Variants in RNF38 observed in about 807,000 individuals in gnomAD.
RNF38 encodes the protein ring finger protein 38.
In RNF38, 15 loss-of-function variants were observed where a neutral mutation model predicts 67.2. That is an observed-to-expected ratio of 0.22 (90% confidence interval 0.15 to 0.34). RNF38 has a LOEUF of 0.34. RNF38 is among the 10% of genes least tolerant of loss of function. RNF38 has a pLI of 1.00. For missense variants in RNF38, 524 were observed against 639.9 expected (o/e 0.82, Z 1.95); for synonymous variants, 220 against 218.8 (o/e 1.01, Z -0.05).
chr9:36,395,515 T>C (rs762017915), intron 1 of RNF38, among the ~76,000 whole-genome samples: 2 of 152,108 alleles, frequency 1.3e-5, no homozygotes, highest in Non-Finnish European at 2.9e-5. Flanking sequence ...AACAAAACAT[T>C]AGATGAGGAG....
At chr9:36,478,753 G>T (rs1349619598) in intron 1 of RNF38, among the ~76,000 whole-genome samples, 1 of 150,324 alleles carries the variant, frequency 6.7e-6, no homozygotes, top group East Asian at 2.0e-4. Flanking sequence ...GAAGGCGGAG[G>T]TTGCGGTGAG....
At chr9:36,455,752 C>G (rs928617441) in intron 1 of RNF38, among the ~76,000 whole-genome samples, 1 of 150,078 alleles carries the variant, frequency 6.7e-6, no homozygotes, top group Non-Finnish European at 1.5e-5. Context: ...GGTGAAACCC[C>G]GTCTCTACTA....
chr9:36,393,648 T>C (rs1837304924), intron 1 of RNF38, among the ~76,000 whole-genome samples: 1 of 151,894 alleles, frequency 6.6e-6, no homozygotes, highest in South Asian at 2.1e-4. Context: ...ATTATTAGGT[T>C]AAATCATATG....
In RNF38 at chr9:36,356,289, G is replaced by A. The variant is rs1207067591; in HGVS notation, c.909+14C>T. On this transcript the variant is annotated intron_variant, in intron 6 of 11. Transcript: ENST00000259605. ...AAAAACTAAACATTCTGACATAATA[G>A]TAGAGATACCTACCGATCGTGATTG... 3.1e-6 allele frequency: 5 copies of A among 1,613,190 alleles called. No homozygotes were observed. The highest frequency in any genetic ancestry group is 4.2e-6 in the Non-Finnish European group (5 of 1,179,404).
intron 1 of RNF38, among the ~76,000 whole-genome samples, chr9:36,398,850 T>C (rs1837753096): frequency 6.6e-6 from 1 of 152,156 alleles, no homozygotes; most frequent in African/African-American, 2.4e-5. Context: ...CTAGAAGACA[T>C]AATCTTGACC....
rs571462835 is a variant in RNF38, at chr9:36,337,961, G to A, written c.*1791C>T. Reference sequence around the variant, plus strand: ...TTGACTTTACTTAACTCTAGGCTGTGATGAGCTTATAGACACTTCAAGGGA... The same window carrying A: ...TTGACTTTACTTAACTCTAGGCTGTAATGAGCTTATAGACACTTCAAGGGA... On this transcript the variant is annotated 3_prime_UTR_variant, in exon 12 of 12. Transcript: ENST00000259605. 1 of 152,730 alleles carries A rather than the reference G, an allele frequency of 6.5e-6. No individual in the cohort carries two copies. The highest frequency in any genetic ancestry group is 1.9e-4 in the East Asian group (1 of 5,182). The allele number at this position is 152,730 out of a possible 1,614,324, so 9.5% of individuals were successfully genotyped here.
rs540495535 is a variant in RNF38, at chr9:36,398,329, G to A, written c.12+1768C>T. Among the ~76,000 whole-genome samples, 7 of 152,216 alleles carry A rather than the reference G, an allele frequency of 4.6e-5. No homozygotes were observed. The East Asian group carries it at 9.7e-4, about 21-fold the overall frequency. On this transcript the variant is annotated intron_variant, in intron 1 of 11. Coordinates refer to ENST00000259605, the MANE Select transcript of RNF38 (RefSeq NM_022781.5). ...AACACCTGTAGTCCTAGTTACTCAG[G>A]AGGCCAAGAAAGGAGGATCACCTGG...
At chr9:36,358,733 G>A (rs559258624) in intron 4 of RNF38, among the ~76,000 whole-genome samples, 63 of 152,268 alleles carry the variant, frequency 4.1e-4, no homozygotes, top group Admixed American at 1.2e-3. Context: ...AGTTTGGCCA[G>A]GCACGGTGGC....
chr9:36,425,457 G>A (rs536451981), intron 1 of RNF38, among the ~76,000 whole-genome samples: 1 of 152,320 alleles, frequency 6.6e-6, no homozygotes, highest in East Asian at 1.9e-4. Flanking sequence ...ACTTTGGGAG[G>A]CCAGGGCGGG....
chr9:36,447,400 C>A (rs1451844951), intron 1 of RNF38, among the ~76,000 whole-genome samples: 1 of 152,074 alleles, frequency 6.6e-6, no homozygotes, highest in African/African-American at 2.4e-5. Context: ...ATTAAACAGT[C>A]CTGAATGGAA....
At chr9:36,478,342 T>TGCAGTGAGCCGAGATC (rs1840170239) in intron 1 of RNF38, among the ~76,000 whole-genome samples, 1 of 138,476 alleles carries the variant, frequency 7.2e-6, no homozygotes, top group South Asian at 2.3e-4. Context: ...AGGCGGAGCT[T>TGCAGTGAGCCGAGATC]GCAGTGAGCC....
chr9:36,463,615 G>A (rs1420461244), intron 1 of RNF38, among the ~76,000 whole-genome samples: 1 of 152,156 alleles, frequency 6.6e-6, no homozygotes, highest in African/African-American at 2.4e-5. Context: ...ATGCAAAGAC[G>A]TGGTCACGAA....
intron 1 of RNF38, among the ~76,000 whole-genome samples, chr9:36,392,203 G>A (rs1358169145): frequency 6.6e-6 from 1 of 152,038 alleles, no homozygotes; most frequent in Non-Finnish European, 1.5e-5. Context: ...CTATGGACCT[G>A]GTAAACAGAT....
chr9:36,448,037 C>A (rs933291420), intron 1 of RNF38, among the ~76,000 whole-genome samples: 2 of 152,140 alleles, frequency 1.3e-5, no homozygotes, highest in African/African-American at 4.8e-5. Flanking sequence ...TGAAAAGAGC[C>A]TTTAAAGCTC....
In RNF38 at chr9:36,338,984, T is replaced by G. The variant is rs1036659057; in HGVS notation, c.*768A>C. 2 of 152,626 alleles carry G rather than the reference T, an allele frequency of 1.3e-5. No homozygotes were observed. The highest frequency in any genetic ancestry group is 1.3e-4 in the Admixed American group (2 of 15,280). The allele number at this position is 152,626 out of a possible 1,614,324, so 9.5% of individuals were successfully genotyped here. ...GAGAATTTGTTACACTTTTTTTTCT[T>G]AAGTGACCCACTTAGGACCACCAAT... On this transcript the variant is annotated 3_prime_UTR_variant, in exon 12 of 12. Coordinates refer to ENST00000259605, the MANE Select transcript of RNF38 (RefSeq NM_022781.5).
intron 1 of RNF38, among the ~76,000 whole-genome samples, chr9:36,456,552 G>A (rs1839600125): frequency 6.6e-6 from 1 of 152,040 alleles, no homozygotes; most frequent in East Asian, 1.9e-4. Flanking sequence ...ATGTATCTCA[G>A]GGTCTTGGTT....
intron 2 of RNF38, among the ~76,000 whole-genome samples, chr9:36,380,366 AT>A (rs1202738737): frequency 6.6e-6 from 1 of 151,896 alleles, no homozygotes; most frequent in Non-Finnish European, 1.5e-5. Flanking sequence ...CACCCTGCTA[AT>A]TTTGTATTTT....
At chr9:36,402,527 G>A (rs928047875), upstream of RNF38, among the ~76,000 whole-genome samples, 4 of 150,834 alleles carry the variant, frequency 2.7e-5, no homozygotes, top group Middle Eastern at 3.4e-3. Context: ...CCTACAGAAC[G>A]CAGACCACCC....
chr9:36,359,066 G>A (rs745471746), intron 4 of RNF38, among the ~76,000 whole-genome samples: 13 of 152,088 alleles, frequency 8.5e-5, no homozygotes, highest in South Asian at 2.1e-4. Context: ...AGGCCAAGGC[G>A]GAAGCTTTGG....
Sources: allele counts gnomAD v4.1 joint callset (sites outside exome capture counted in the v4.1 genomes callset), GRCh38; gene constraint gnomAD v4.1.1; transcripts MANE v1.5; gene names NCBI Gene and HGNC (gene_info 2026-07-23, HGNC 2026-07-21).